The following GRID2 variants were observed in gnomAD, a reference collection of about 807,000 sequenced individuals.
GRID2 encodes the protein glutamate ionotropic receptor delta type subunit 2, also known as glutamate receptor ionotropic, delta-2.
A neutral mutation model predicts 114.8 loss-of-function variants in GRID2; 33 were observed. That is an observed-to-expected ratio of 0.29 (90% CI 0.22 to 0.38). The LOEUF (loss-of-function observed/expected upper bound fraction) is 0.38. Ranked by LOEUF, GRID2 falls within the 10% of genes least tolerant of loss-of-function variation. GRID2 has a pLI of 1.00. For missense variants in GRID2, 1,184 were observed against 1,257.7 expected (o/e 0.94, Z 0.89); for synonymous variants, 505 against 449.9 (o/e 1.12, Z -1.55).
chr4:93,672,913 T>C (rs1221297911), intron 14 of GRID2, among the ~76,000 whole-genome samples: 2 of 152,206 alleles, frequency 1.3e-5, no homozygotes, highest in East Asian at 3.8e-4. Context: ...AAAAGGATGA[T>C]AAGGAGATTA....
intron 2 of GRID2, among the ~76,000 whole-genome samples, chr4:92,878,144 T>C (rs1320717059): frequency 6.6e-6 from 1 of 152,152 alleles, no homozygotes; most frequent in Non-Finnish European, 1.5e-5. Flanking sequence ...CAGTTAGATA[T>C]CTACTTTCAC....
intron 2 of GRID2, among the ~76,000 whole-genome samples, chr4:92,723,575 A>G (rs898986289): frequency 6.6e-6 from 1 of 152,170 alleles, no homozygotes; most frequent in Admixed American, 6.5e-5. Context: ...TTTAATATCT[A>G]ATCAATCTGT....
At chr4:92,863,550 T>G (rs1744668718) in intron 2 of GRID2, among the ~76,000 whole-genome samples, 4 of 152,158 alleles carry the variant, frequency 2.6e-5, no homozygotes, top group Admixed American at 2.6e-4. Context: ...TCTGCAGCCC[T>G]CATTCCAAAT....
intron 2 of GRID2, among the ~76,000 whole-genome samples, chr4:92,829,585 G>A (rs1228979793): frequency 2.0e-5 from 3 of 152,032 alleles, no homozygotes; most frequent in African/African-American, 4.8e-5. Context: ...CCATTATTGG[G>A]TATATACCCA....
chr4:92,416,123 T>C (rs1359229195), intron 1 of GRID2, among the ~76,000 whole-genome samples: 1 of 152,130 alleles, frequency 6.6e-6, no homozygotes, highest in Non-Finnish European at 1.5e-5. Context: ...TGGTATCTCA[T>C]TGCGGTTTTA....
At chr4:92,662,653 A>G (rs1182637805) in intron 2 of GRID2, among the ~76,000 whole-genome samples, 1 of 151,210 alleles carries the variant, frequency 6.6e-6, no homozygotes, top group East Asian at 1.9e-4. Context: ...TTTTTGCTGC[A>G]GGCAGCATGG....
intron 1 of GRID2, among the ~76,000 whole-genome samples, chr4:92,472,816 G>T (rs144824357): frequency 6.6e-6 from 1 of 152,126 alleles, no homozygotes; most frequent in African/African-American, 2.4e-5. Flanking sequence ...TTCTGCTCTG[G>T]AAACAATCCT....
At chr4:93,234,987 A>G (rs960970898) in intron 7 of GRID2, among the ~76,000 whole-genome samples, 2 of 152,106 alleles carry the variant, frequency 1.3e-5, no homozygotes, top group African/African-American at 2.4e-5. Flanking sequence ...TTCCTTTGCC[A>G]TTTCAAGCGT....
At chr4:93,014,371 A>G (rs558716437) in intron 2 of GRID2, among the ~76,000 whole-genome samples, 3 of 152,112 alleles carry the variant, frequency 2.0e-5, no homozygotes, top group Non-Finnish European at 4.4e-5. Flanking sequence ...TAGCAGAGGG[A>G]AATGTACACA....
chr4:93,013,878 A>G (rs1317524608), intron 2 of GRID2, among the ~76,000 whole-genome samples: 2 of 152,012 alleles, frequency 1.3e-5, no homozygotes, highest in Non-Finnish European at 2.9e-5. Context: ...TATTTTATAA[A>G]GCATATTGTA....
intron 1 of GRID2, among the ~76,000 whole-genome samples, chr4:92,325,850 T>G (rs1055840022): frequency 2.6e-5 from 4 of 151,852 alleles, no homozygotes; most frequent in African/African-American, 7.2e-5. Flanking sequence ...TGTTTTCTGA[T>G]TTTTAATGTT....
rs1168689862 is a variant in GRID2, at chr4:92,304,076, C to T, written c.-581C>T. ...ACCTTGAAGTTCACTTTTTCTACCCCTCTTGGAGAGGGCTTTTTTCCCCCC... is the reference window on the plus strand; with the variant it reads ...ACCTTGAAGTTCACTTTTTCTACCCTTCTTGGAGAGGGCTTTTTTCCCCCC... On this transcript the variant is annotated 5_prime_UTR_variant, in exon 1 of 16. Coordinates refer to ENST00000282020, the MANE Select transcript of GRID2 (RefSeq NM_001510.4). 4 of 157,556 alleles carry T rather than the reference C, an allele frequency of 2.5e-5. No homozygotes were observed. Among genetic ancestry groups the T allele is most frequent in the Admixed American group, 1.3e-4 (2 of 15,832 alleles). 9.8% of individuals were successfully genotyped at this position (157,556 alleles called of 1,614,324 possible). A position where few individuals can be genotyped will look rare whatever the true frequency, so the allele number is the denominator to read the frequency against.
chr4:92,946,522 T>G (rs1351926481), intron 2 of GRID2, among the ~76,000 whole-genome samples: 1 of 152,140 alleles, frequency 6.6e-6, no homozygotes, highest in Non-Finnish European at 1.5e-5. Flanking sequence ...TAACTTTTAT[T>G]TAAGTTGTTT....
intron 4 of GRID2, among the ~76,000 whole-genome samples, chr4:93,172,772 A>C (rs1342202751): frequency 2.0e-5 from 3 of 152,202 alleles, no homozygotes; most frequent in African/African-American, 7.2e-5. Flanking sequence ...AAGTTAAGAT[A>C]AAGAGAAACT....
chr4:92,397,774 G>A (rs748409372), intron 1 of GRID2, among the ~76,000 whole-genome samples: 5 of 152,048 alleles, frequency 3.3e-5, no homozygotes, highest in Admixed American at 6.6e-5. Flanking sequence ...AAGTGACAGA[G>A]GGTACATGGT....
intron 8 of GRID2, among the ~76,000 whole-genome samples, chr4:93,351,755 CAGAG>C (rs1760826140): frequency 6.6e-6 from 1 of 151,980 alleles, no homozygotes; most frequent in Non-Finnish European, 1.5e-5. Context: ...ATGGGAGACT[CAGAG>C]AGTTTAAGTA....
At chr4:92,753,813 T>C (rs1737575105) in intron 2 of GRID2, among the ~76,000 whole-genome samples, 1 of 152,146 alleles carries the variant, frequency 6.6e-6, no homozygotes, top group Non-Finnish European at 1.5e-5. Context: ...TGAACAAATG[T>C]GTGAAAACCA....
intron 13 of GRID2, among the ~76,000 whole-genome samples, chr4:93,536,018 A>G (rs1400221670): frequency 1.3e-5 from 2 of 152,006 alleles, no homozygotes; most frequent in African/African-American, 4.8e-5. Context: ...ACATATCTAT[A>G]CAAAGAATAC....
chr4:92,847,474 T>G (rs1160271197), intron 2 of GRID2, among the ~76,000 whole-genome samples: 1 of 152,090 alleles, frequency 6.6e-6, no homozygotes, highest in African/African-American at 2.4e-5. Flanking sequence ...CCTTTCCTGC[T>G]CTTTAATATT....
Sources: gnomAD v4.1 joint callset for allele counts (sites outside exome capture counted in the v4.1 genomes callset) on GRCh38, gnomAD v4.1.1 for gene constraint, MANE v1.5 for transcripts, NCBI Gene and HGNC (gene_info 2026-07-23, HGNC 2026-07-21) for gene names.